PTPRT: variants seen among roughly 807,000 people sequenced by gnomAD.
PTPRT encodes protein tyrosine phosphatase receptor type T, also known as receptor-type tyrosine-protein phosphatase T.
In PTPRT, 56 loss-of-function variants were observed where a neutral mutation model predicts 176.8. That is an observed-to-expected ratio of 0.32 (90% confidence interval 0.26 to 0.40). The LOEUF is 0.40. PTPRT is among the 10% of genes least tolerant of loss of function. PTPRT has a pLI of 1.00. For synonymous variants in PTPRT, 783 were observed against 739.0 expected, an observed-to-expected ratio of 1.06 and a Z score of -0.96; for missense variants, 1,540 against 1,908.2, an observed-to-expected ratio of 0.81 and a Z score of 3.60.
chr20:42,692,531 G>A (rs12625206), intron 6 of PTPRT, among the ~76,000 whole-genome samples: 25,272 of 152,060 alleles, frequency 0.17, 2,406 homozygotes, highest in East Asian at 0.23. Flanking sequence ...ACTAGAAATA[G>A]AAGGAAAGTC....
In PTPRT at chr20:42,788,615, T is replaced by C. The variant is rs182804404; in HGVS notation, c.486+2580A>G. Among the ~76,000 whole-genome samples, 145 of 152,270 alleles carry C rather than the reference T, an allele frequency of 9.5e-4. 1 individual carries two copies. Among genetic ancestry groups the C allele is most frequent in the African/African-American group, 3.2e-3 (135 of 41,556 alleles). On this transcript the variant is annotated intron_variant, in intron 3 of 30. Coordinates refer to ENST00000373187, the MANE Select transcript of PTPRT (RefSeq NM_007050.6). ...AGTCACCTGTGCTGTTCGACAGTCATTGCCATTATATCTCATTATTTACTC... is the reference window on the plus strand; with the variant it reads ...AGTCACCTGTGCTGTTCGACAGTCACTGCCATTATATCTCATTATTTACTC...
In PTPRT at chr20:42,415,010, G is replaced by A. The variant is rs751137354; in HGVS notation, c.1560+33210C>T. Among the ~76,000 whole-genome samples, 25 of 152,278 alleles carry A rather than the reference G, an allele frequency of 1.6e-4. 1 individual carries two copies. Among genetic ancestry groups the A allele is most frequent in the South Asian group, 6.2e-4 (3 of 4,824 alleles). ...CAGAAGGTGAAACTGTATGGTAATC[G>A]TGCAGAACAGCCCAACGGAAAATAC... On this transcript the variant is annotated intron_variant, in intron 9 of 30. Coordinates refer to ENST00000373187, the MANE Select transcript of PTPRT (RefSeq NM_007050.6).
rs375831736 is a variant in PTPRT at position 42,642,833 on chromosome 20, G to GTAC, written c.1153+35032_1153+35033insGTA. Among the ~76,000 whole-genome samples the GTAC allele has an allele frequency of 2.8e-3, 429 of 152,294 alleles. 5 individuals are homozygous for GTAC. Among genetic ancestry groups the GTAC allele is most frequent in the African/African-American group, 9.9e-3 (411 of 41,554 alleles). On this transcript the variant is annotated intron_variant, in intron 7 of 30. Coordinates refer to ENST00000373187, the MANE Select transcript of PTPRT (RefSeq NM_007050.6). ...TACATTTAGTGCTCTCCTTGGATCT[G>GTAC]TATTTGACTTGTAATTGGGTAGTTT... is the stretch of plus-strand genomic sequence containing the variant.
chr20:42,510,843 G>A (rs570997459), intron 7 of PTPRT, among the ~76,000 whole-genome samples: 1 of 152,278 alleles, frequency 6.6e-6, no homozygotes, highest in Admixed American at 6.5e-5. Flanking sequence ...TTGAGCAAAA[G>A]CATTAGCAAA....
At chr20:42,420,481 A>G (rs2059108522) in intron 9 of PTPRT, among the ~76,000 whole-genome samples, 1 of 152,100 alleles carries the variant, frequency 6.6e-6, no homozygotes, top group South Asian at 2.1e-4. Context: ...AAAACAAACA[A>G]ATCATAAAGG....
chr20:42,475,929 G>C (rs1386200263), intron 7 of PTPRT, among the ~76,000 whole-genome samples: 1 of 152,194 alleles, frequency 6.6e-6, no homozygotes, highest in Non-Finnish European at 1.5e-5. Context: ...TCCCTCTTGA[G>C]CATGTGTGAC....
intron 7 of PTPRT, among the ~76,000 whole-genome samples, chr20:42,630,705 G>A (rs545473102): frequency 3.9e-5 from 6 of 152,306 alleles, no homozygotes; most frequent in East Asian, 1.9e-4. Flanking sequence ...CACAGGGAAA[G>A]AAACAGAAAT....
chr20:42,285,610 A>T (rs6030108), intron 12 of PTPRT, among the ~76,000 whole-genome samples: 7 of 151,822 alleles, frequency 4.6e-5, no homozygotes, highest in African/African-American at 1.4e-4. Flanking sequence ...TGAGCGATAT[A>T]TCTGTCTAAC....
intron 6 of PTPRT, among the ~76,000 whole-genome samples, chr20:42,732,251 T>C (rs2076472804): frequency 6.6e-6 from 1 of 152,220 alleles, no homozygotes; most frequent in Non-Finnish European, 1.5e-5. Flanking sequence ...GAGCCAGAGA[T>C]GCCAGACAGC....
intron 16 of PTPRT, among the ~76,000 whole-genome samples, chr20:42,175,349 C>G (rs1482223544): frequency 6.6e-6 from 1 of 152,172 alleles, no homozygotes; most frequent in South Asian, 2.1e-4. Flanking sequence ...TCTCGCCCAC[C>G]TGAGAATCTG....
chr20:42,616,703 G>C (rs1459415612), intron 7 of PTPRT, among the ~76,000 whole-genome samples: 1 of 107,118 alleles, frequency 9.3e-6, no homozygotes, highest in Non-Finnish European at 1.8e-5. Flanking sequence ...TGAAGCAATT[G>C]TGAATGGGAG....
chr20:42,984,367 T>A (rs2146092607), intron 1 of PTPRT, among the ~76,000 whole-genome samples: 1 of 152,348 alleles, frequency 6.6e-6, no homozygotes, highest in Admixed American at 6.5e-5. Flanking sequence ...AAGGCTCTGC[T>A]ATTGTCTATC....
At chr20:42,064,490 G>A in the PTPRT span, among the ~76,000 whole-genome samples, 1 of 151,960 alleles carries the variant, frequency 6.6e-6, no homozygotes, top group Non-Finnish European at 1.5e-5. Flanking sequence ...CCTGTATTTT[G>A]TGCTGCTATT....
At chr20:42,316,153 C>T (rs920535978) in intron 11 of PTPRT, among the ~76,000 whole-genome samples, 157 bp from the exon 12 acceptor site, 64 of 152,152 alleles carry the variant, frequency 4.2e-4, no homozygotes, top group African/African-American at 1.5e-3. Context: ...AAACCTACCA[C>T]GTTGTAGAAC....
chr20:43,139,715 G>A (rs2146397341), intron 1 of PTPRT, among the ~76,000 whole-genome samples: 1 of 152,302 alleles, frequency 6.6e-6, no homozygotes, highest in South Asian at 2.1e-4. Context: ...GGCCCAAGCT[G>A]GAAAACGGTC....
At chr20:42,595,732 A>C (rs574275215) in intron 7 of PTPRT, among the ~76,000 whole-genome samples, 6 of 152,308 alleles carry the variant, frequency 3.9e-5, no homozygotes, top group African/African-American at 1.4e-4. Context: ...GGAACAGAGC[A>C]GGCTGCCTTC....
chr20:42,110,042 ACTTTTT>A (rs966328271), intron 23 of PTPRT, among the ~76,000 whole-genome samples: 4 of 146,762 alleles, frequency 2.7e-5, no homozygotes, highest in African/African-American at 1.0e-4. Context: ...TAGGTGGAGG[ACTTTTT>A]CTTTTTTTTT....
At chr20:43,105,555 C>T (rs543498372) in intron 1 of PTPRT, among the ~76,000 whole-genome samples, 5 of 152,294 alleles carry the variant, frequency 3.3e-5, no homozygotes, top group African/African-American at 1.2e-4. Flanking sequence ...CACACACCAC[C>T]ATACCTGGCT....
chr20:43,074,540 T>C (rs1347640636), intron 1 of PTPRT, among the ~76,000 whole-genome samples: 1 of 152,224 alleles, frequency 6.6e-6, no homozygotes, highest in Non-Finnish European at 1.5e-5. Context: ...TGCTCGTGCA[T>C]TTATTCAAAC....
Sources: allele counts gnomAD v4.1 joint callset (sites outside exome capture counted in the v4.1 genomes callset), GRCh38; gene constraint gnomAD v4.1.1; transcripts MANE v1.5; gene names NCBI Gene and HGNC (gene_info 2026-07-23, HGNC 2026-07-21).